PALM2AKAP2: variants seen among roughly 807,000 people sequenced by gnomAD.
PALM2AKAP2 encodes PALM2 and AKAP2 fusion.
PALM2AKAP2 carries 37 observed loss-of-function variants against 71.5 expected under a neutral mutation model. The ratio of observed to expected loss-of-function variants is 0.52; its 90% CI spans 0.40 to 0.68. The LOEUF (loss-of-function observed/expected upper bound fraction) is 0.68. Ranked by LOEUF, PALM2AKAP2 falls within the 30% of genes least tolerant of loss-of-function variation. The pLI is 0.00. For synonymous variants in PALM2AKAP2, 468 were observed against 478.8 expected, an observed-to-expected ratio of 0.98 and a Z score of 0.29; for missense variants, 1,224 against 1,191.8, an observed-to-expected ratio of 1.03 and a Z score of -0.40.
intron 1 of PALM2AKAP2, among the ~76,000 whole-genome samples, chr9:109,850,760 AT>A (rs1828987287): frequency 6.6e-6 from 1 of 152,196 alleles, no homozygotes; most frequent in African/African-American, 2.4e-5. Context: ...AATTTACCAA[AT>A]AGTTTATTTC....
rs150663680 is a variant in PALM2AKAP2, at chr9:109,654,889, G to A, written c.5+14023G>A. On this transcript the variant is annotated intron_variant, in intron 1 of 6. Transcript: ENST00000374531. ...TTTTCTTTTCTTTCCCCATTCAACC[G>A]TCTCTTGGGAATTAGAAAAGGATTC... Among the ~76,000 whole-genome samples, 721 of 152,022 alleles carry A rather than the reference G, an allele frequency of 4.7e-3. 9 individuals carry two copies. Among genetic ancestry groups the A allele is most frequent in the African/African-American group, 0.017 (684 of 41,436 alleles).
At chr9:109,996,285 A>G (rs1170270520) in intron 6 of PALM2AKAP2, among the ~76,000 whole-genome samples, 1 of 152,196 alleles carries the variant, frequency 6.6e-6, no homozygotes, top group Non-Finnish European at 1.5e-5. Context: ...AGGATCTTTT[A>G]TTGGACCTGG....
At chr9:110,001,700 T>G (rs1832684164) in intron 6 of PALM2AKAP2, among the ~76,000 whole-genome samples, 3 of 152,170 alleles carry the variant, frequency 2.0e-5, no homozygotes, top group Admixed American at 2.0e-4. Flanking sequence ...TGAGCAGTGG[T>G]TTGTAGTTCT....
chr9:109,756,626 A>G (rs1828968173), intron 1 of PALM2AKAP2, among the ~76,000 whole-genome samples: 1 of 152,190 alleles, frequency 6.6e-6, no homozygotes, highest in South Asian at 2.1e-4. Context: ...TCTCTAATCC[A>G]TGTGGAGTTT....
At chr9:110,111,303 G>A (rs1369525056) in intron 1 of PALM2AKAP2, among the ~76,000 whole-genome samples, 1 of 151,872 alleles carries the variant, frequency 6.6e-6, no homozygotes. Flanking sequence ...ACGTTGCCTA[G>A]GCTGGTCTTG....
intron 6 of PALM2AKAP2, among the ~76,000 whole-genome samples, chr9:109,959,476 C>G (rs1831812092): frequency 6.6e-6 from 1 of 151,870 alleles, no homozygotes; most frequent in African/African-American, 2.4e-5. Context: ...AACCCCGTCT[C>G]TACTAAAAAT....
exon 3 of PALM2AKAP2, chr9:109,880,568 G>C: frequency 1.9e-6 from 3 of 1,613,046 alleles, no homozygotes; most frequent in Non-Finnish European, 2.5e-6. Flanking sequence ...TGCTTCGGGA[G>C]AAATGGCTGC....
At chr9:110,100,808 T>C (rs1397006292) in intron 1 of PALM2AKAP2, among the ~76,000 whole-genome samples, 2 of 152,156 alleles carry the variant, frequency 1.3e-5, no homozygotes, top group African/African-American at 2.4e-5. Flanking sequence ...ACATGTGACA[T>C]TGGCCCAAAC....
intron 1 of PALM2AKAP2, among the ~76,000 whole-genome samples, chr9:109,675,379 A>G (rs1288224377): frequency 6.6e-6 from 1 of 152,180 alleles, no homozygotes; most frequent in Admixed American, 6.5e-5. Flanking sequence ...AAATATGTGT[A>G]TATCTTTCTG....
rs185445339 is a variant in PALM2AKAP2 at position 109,887,870 on chromosome 9, A to G, written c.257+7189A>G. Among the ~76,000 whole-genome samples the G allele has an allele frequency of 7.4e-4, 113 of 152,346 alleles. 1 individual carries two copies. Among genetic ancestry groups the G allele is most frequent in the African/African-American group, 2.6e-3 (109 of 41,572 alleles). The stretch of plus-strand genomic sequence containing the variant: ...GACCTCTGATATTGAGTGAAATTAC[A>G]CTAACGTGCACCTCGTGATGTAGGA... On this transcript the variant is annotated intron_variant, in intron 3 of 9. Transcript: ENST00000302798.
chr9:110,067,840 G>A (rs1458049731), intron 1 of PALM2AKAP2, among the ~76,000 whole-genome samples: 1 of 152,214 alleles, frequency 6.6e-6, no homozygotes, highest in East Asian at 1.9e-4. Context: ...ATCTGCTGAA[G>A]TAGGTAAGGT....
At chr9:109,751,093 C>A (rs1464301846) in intron 1 of PALM2AKAP2, among the ~76,000 whole-genome samples, 2 of 152,070 alleles carry the variant, frequency 1.3e-5, no homozygotes. Context: ...AGCCAGGCAA[C>A]CCTAGATTTT....
chr9:109,701,826 A>C (rs1320435822), intron 1 of PALM2AKAP2, among the ~76,000 whole-genome samples: 1 of 152,202 alleles, frequency 6.6e-6, no homozygotes, highest in Non-Finnish European at 1.5e-5. Context: ...AATGGGAGAA[A>C]ATTTTTGCAA....
At position 110,011,020 on chromosome 9, in the gene PALM2AKAP2, T is replaced by TATATATATATAG. The variant is rs1216661706; in HGVS notation, c.497-4923_497-4922insGATATATATATA. 1.8e-3 allele frequency among the ~76,000 whole-genome samples: 220 copies of TATATATATATAG among 123,886 alleles called. 4 individuals carry two copies. The highest frequency in any genetic ancestry group is 6.6e-3 in the African/African-American group (206 of 31,096). The allele number at this position is 123,886 out of a possible 152,430, so 81.3% of individuals were successfully genotyped here. On this transcript the variant is annotated intron_variant, in intron 6 of 9. Coordinates refer to the PALM2AKAP2 transcript ENST00000302798. ...TCAAAAAAAAAAAAAAAAAAATATA[T>TATATATATATAG]ATATATATATATATATACTTTTGTA...
At chr9:109,745,798 T>C (rs1828791518) in intron 1 of PALM2AKAP2, among the ~76,000 whole-genome samples, 1 of 152,158 alleles carries the variant, frequency 6.6e-6, no homozygotes, top group Non-Finnish European at 1.5e-5. Flanking sequence ...TACGCAATGG[T>C]CTGGGTTGCC....
chr9:109,739,876 C>G (rs1205607122), intron 1 of PALM2AKAP2, among the ~76,000 whole-genome samples: 1 of 152,110 alleles, frequency 6.6e-6, no homozygotes, highest in African/African-American at 2.4e-5. Context: ...AGCTTCCCAC[C>G]CGGAACACAA....
At chr9:110,051,138 C>G (rs1407976871) in intron 1 of PALM2AKAP2, among the ~76,000 whole-genome samples, 1 of 152,214 alleles carries the variant, frequency 6.6e-6, no homozygotes, top group Non-Finnish European at 1.5e-5. Context: ...AGAGGAATAG[C>G]TGGGCTTTGA....
chr9:109,915,951 T>C (rs1266057558), intron 3 of PALM2AKAP2, among the ~76,000 whole-genome samples: 3 of 142,832 alleles, frequency 2.1e-5, no homozygotes, highest in Non-Finnish European at 4.6e-5. Context: ...ATTGGCTTGC[T>C]TTTTTTTTTT....
intron 6 of PALM2AKAP2, among the ~76,000 whole-genome samples, chr9:109,972,076 T>G (rs74638935): frequency 0.033 from 5,024 of 152,356 alleles, 194 homozygotes; most frequent in Admixed American, 0.1. Flanking sequence ...TGTTTGCACA[T>G]CTGTCCCTTT....
Sources: allele counts gnomAD v4.1 joint callset (sites outside exome capture counted in the v4.1 genomes callset), GRCh38; gene constraint gnomAD v4.1.1; transcripts MANE v1.5; gene names NCBI Gene and HGNC (gene_info 2026-07-23, HGNC 2026-07-21).